Variants in ZNF644 observed in about 807,000 individuals in gnomAD.
ZNF644 encodes the protein zinc finger motif enhancer binding protein 2.
In ZNF644, 20 loss-of-function variants were observed where a neutral mutation model predicts 108.0. The observed-to-expected ratio is 0.19, with a 90% confidence interval of 0.13 to 0.27. The LOEUF (loss-of-function observed/expected upper bound fraction) is 0.27. Among genes scored for constraint, ZNF644 ranks in the 10% least tolerant of loss-of-function variants. The pLI is 1.00. For synonymous variants in ZNF644, 542 were observed against 539.1 expected (o/e 1.01, Z -0.08); for missense variants, 1,338 against 1,548.9 (o/e 0.86, Z 2.29).
chr1:90,962,688 G>A (rs1349696868), intron 2 of ZNF644, among the ~76,000 whole-genome samples: 1 of 151,992 alleles, frequency 6.6e-6, no homozygotes, highest in Non-Finnish European at 1.5e-5. Flanking sequence ...GTACATTGTA[G>A]GATATTTAGC....
chr1:91,001,872 A>C (rs1182131946), intron 1 of ZNF644, among the ~76,000 whole-genome samples: 2 of 152,236 alleles, frequency 1.3e-5, no homozygotes, highest in Non-Finnish European at 2.9e-5. Context: ...AAAAATCACA[A>C]GCATTCTTAT....
intron 4 of ZNF644, among the ~76,000 whole-genome samples, chr1:90,937,079 T>C (rs1335864696): frequency 6.6e-6 from 1 of 152,134 alleles, no homozygotes; most frequent in African/African-American, 2.4e-5. Flanking sequence ...ATGATCACCT[T>C]GGAGAACTGG....
intron 2 of ZNF644, among the ~76,000 whole-genome samples, chr1:90,953,088 A>G (rs1286999863): frequency 6.6e-6 from 1 of 151,496 alleles, no homozygotes; most frequent in African/African-American, 2.4e-5. Flanking sequence ...ATGTTCTGTC[A>G]CAACGTTGCC....
chr1:91,007,268 C>T (rs1659547380), intron 1 of ZNF644, among the ~76,000 whole-genome samples: 1 of 111,810 alleles, frequency 8.9e-6, no homozygotes, highest in African/African-American at 3.5e-5. Flanking sequence ...CAGTGTCTCG[C>T]TCTGTTGCAC....
chr1:90,970,137 C>T (rs74479522), intron 2 of ZNF644, among the ~76,000 whole-genome samples: 2 of 152,152 alleles, frequency 1.3e-5, no homozygotes, highest in African/African-American at 4.8e-5. Context: ...ATTATTGCAA[C>T]CCTATACAGC....
At chr1:91,008,627 T>C (rs1176876570) in intron 1 of ZNF644, among the ~76,000 whole-genome samples, 2 of 152,184 alleles carry the variant, frequency 1.3e-5, no homozygotes, top group African/African-American at 2.4e-5. Context: ...AGAAACCCCA[T>C]TTTTCAGAGA....
At chr1:90,959,031 A>T (rs1654047191) in intron 2 of ZNF644, among the ~76,000 whole-genome samples, 1 of 152,216 alleles carries the variant, frequency 6.6e-6, no homozygotes, top group Non-Finnish European at 1.5e-5. Context: ...TATTTGAAAT[A>T]TATTAATATC....
At chr1:91,006,005 G>A (rs1244219302) in intron 1 of ZNF644, among the ~76,000 whole-genome samples, 1 of 151,768 alleles carries the variant, frequency 6.6e-6, no homozygotes, top group Non-Finnish European at 1.5e-5. Context: ...CAAACCTTTA[G>A]CTCAACTAAG....
chr1:90,945,893 C>A (rs1186190979), intron 2 of ZNF644, among the ~76,000 whole-genome samples: 3 of 152,002 alleles, frequency 2.0e-5, no homozygotes, highest in Admixed American at 2.0e-4. Context: ...AAATATAGTA[C>A]AATTTGCCCT....
intron 1 of ZNF644, among the ~76,000 whole-genome samples, chr1:90,991,501 A>AG (rs1657632744): frequency 1.3e-5 from 2 of 152,246 alleles, no homozygotes; most frequent in Non-Finnish European, 1.5e-5. Flanking sequence ...ACTGCTATAA[A>AG]GAACTACCTG....
At chr1:90,961,417 C>A (rs1369533894) in intron 2 of ZNF644, among the ~76,000 whole-genome samples, 2 of 152,124 alleles carry the variant, frequency 1.3e-5, no homozygotes, top group Non-Finnish European at 2.9e-5. Flanking sequence ...GCCCAGGGGG[C>A]ATCCCTAAGA....
Position 90,940,452 on chromosome 1 carries a change from G to C in ZNF644, c.902C>G (p.Thr301Ser). ...ACTAAAGCAATCCTCGGTATAACGA[G>C]TTATCTTGCTTACATCCATTTTTCG... ...RKRKMDVSKI[T>S]RYTEDCFSDS... Residue 301 changes from threonine to serine, a missense_variant, in exon 3 of 6, where the codon ACT becomes AGT. Transcript: ENST00000337393. The C allele has an allele frequency of 1.2e-6, 2 of 1,613,476 alleles. No homozygotes were observed. Among genetic ancestry groups the C allele is most frequent in the Non-Finnish European group, 1.7e-6 (2 of 1,179,876 alleles).
In ZNF644 at chr1:90,971,183, G is replaced by GT. The variant is rs549254188; in HGVS notation, c.44+11126dup. Among the ~76,000 whole-genome samples, 16 of 149,520 alleles carry GT rather than the reference G, an allele frequency of 1.1e-4. No individual in the cohort carries two copies. The South Asian group carries it at 3.4e-3, about 32-fold the overall frequency. The stretch of plus-strand genomic sequence containing the variant: ...CAGCACATTAAAAGTATTATACACC[G>GT]TAAGCAAATGAGATTTATTTCTGGA... On this transcript the variant is annotated intron_variant, in intron 2 of 5. Coordinates refer to ENST00000337393, the MANE Select transcript of ZNF644 (RefSeq NM_201269.3).
chr1:90,967,307 T>G (rs908481312), intron 2 of ZNF644, among the ~76,000 whole-genome samples: 4 of 152,160 alleles, frequency 2.6e-5, no homozygotes, highest in African/African-American at 9.7e-5. Flanking sequence ...AGATCACAGC[T>G]CTTAAAGTCA....
Position 90,975,605 on chromosome 1 carries a change from T to C in ZNF644, c.44+6705A>G, listed in dbSNP as rs934785925. On this transcript the variant is annotated intron_variant, in intron 2 of 5. Transcript: ENST00000337393. Reference sequence around the variant, plus strand: ...GGTGCCTGCCACCACACCCAAATAATGCTAATTTTTGCATTTTTAGTAGAG... The same window carrying C: ...GGTGCCTGCCACCACACCCAAATAACGCTAATTTTTGCATTTTTAGTAGAG... 2.0e-5 allele frequency among the ~76,000 whole-genome samples: 3 copies of C among 151,874 alleles called. No homozygotes were observed. In the East Asian group the frequency reaches 5.8e-4, roughly 29 times the overall value.
chr1:90,977,638 A>G (rs777341436), intron 2 of ZNF644, among the ~76,000 whole-genome samples: 3 of 152,224 alleles, frequency 2.0e-5, no homozygotes, highest in Admixed American at 6.5e-5. Flanking sequence ...TAAACTAGCA[A>G]TAAGAGTATT....
At chr1:90,954,096 G>A (rs1653482504) in intron 2 of ZNF644, among the ~76,000 whole-genome samples, 2 of 152,132 alleles carry the variant, frequency 1.3e-5, no homozygotes, top group African/African-American at 4.8e-5. Flanking sequence ...CTTAAAATAA[G>A]ACAGCAATGA....
At chr1:90,983,396 G>T (rs974301002) in intron 1 of ZNF644, among the ~76,000 whole-genome samples, 4 of 148,392 alleles carry the variant, frequency 2.7e-5, no homozygotes, top group Non-Finnish European at 5.9e-5. Flanking sequence ...TATTATAAAC[G>T]ACTGAGTGGG....
chr1:91,021,685 T>G, intron 1 of ZNF644: 1 of 83,758 alleles, frequency 1.2e-5, no homozygotes, highest in Non-Finnish European at 2.2e-5. Flanking sequence ...CGGCCGCCGC[T>G]CACCTCAGGC....
Sources: gnomAD v4.1 joint callset for allele counts (sites outside exome capture counted in the v4.1 genomes callset) on GRCh38, gnomAD v4.1.1 for gene constraint, MANE v1.5 for transcripts, NCBI Gene and HGNC (gene_info 2026-07-23, HGNC 2026-07-21) for gene names.